Variants in NCOR2 observed in about 807,000 individuals in gnomAD.
NCOR2 encodes the protein CTG repeat protein 26.
Under a neutral mutation model 262.9 loss-of-function variants are expected in NCOR2, and 81 were observed. The observed-to-expected ratio is 0.31, with a 90% CI of 0.26 to 0.37. The LOEUF is 0.37. Ranked by LOEUF, NCOR2 falls within the 10% of genes least tolerant of loss-of-function variation. NCOR2 has a pLI of 1.00. For missense variants in NCOR2, 3,385 were observed against 3,621.4 expected, an observed-to-expected ratio of 0.93 and a Z score of 1.68; for synonymous variants, 1,659 against 1,559.3, an observed-to-expected ratio of 1.06 and a Z score of -1.51.
rs566915799 is a variant in NCOR2 at position 124,543,896 on chromosome 12, C to G, written c.-164-8285G>C. ...CGACAGCCCCTCGGTGCCTGAAGCT[C>G]AGGGTTTCGCTGCCTCCGCACAATG... On this transcript the variant is annotated intron_variant, in intron 1 of 32. Coordinates refer to the NCOR2 transcript ENST00000458234. Among the ~76,000 whole-genome samples the G allele has an allele frequency of 2.0e-5, 3 of 152,352 alleles. No homozygotes were observed. The South Asian group carries it at 6.2e-4, about 32-fold the overall frequency.
rs1038767387 is a variant in NCOR2, at chr12:124,433,161, G to C, written c.883-2374C>G. ...GGCCAGGCTGGTGCTGGGTGGCCCA[G>C]AACCTAACCCCATGCATGCAGGCTG... is the stretch of plus-strand genomic sequence containing the variant. On this transcript the variant is annotated intron_variant, in intron 8 of 46. Transcript: ENST00000405201. 1.1e-4 allele frequency among the ~76,000 whole-genome samples: 17 copies of C among 152,206 alleles called. 1 individual carries two copies. Among genetic ancestry groups the C allele is most frequent in the Non-Finnish European group, 1.0e-4 (7 of 68,042 alleles).
intron 42 of NCOR2, 140 bp downstream of exon 44, chr12:124,332,990 C>A (rs1051377369): frequency 8.4e-7 from 1 of 1,192,574 alleles, no homozygotes. Flanking sequence ...GTTGGTGAAA[C>A]CTGCTTGGCA....
chr12:124,543,614 T>C (rs993692428), intron 1 of NCOR2, among the ~76,000 whole-genome samples: 1 of 152,032 alleles, frequency 6.6e-6, no homozygotes, highest in Non-Finnish European at 1.5e-5. Context: ...CTGCGGGGTG[T>C]GGGGCCGCCA....
At chr12:124,421,997 T>C (rs1399893845) in intron 12 of NCOR2, among the ~76,000 whole-genome samples, 3 of 152,172 alleles carry the variant, frequency 2.0e-5, no homozygotes, top group Non-Finnish European at 4.4e-5. Context: ...AGGCCACACG[T>C]CTGGTTTGGC....
At chr12:124,371,292 C>T (rs1367863771) in intron 20 of NCOR2, among the ~76,000 whole-genome samples, 1 of 151,886 alleles carries the variant, frequency 6.6e-6, no homozygotes, top group African/African-American at 2.4e-5. Flanking sequence ...CACCTCGGGC[C>T]TTCGCACTTG....
chr12:124,444,639 G>A (rs7956060), intron 7 of NCOR2, among the ~76,000 whole-genome samples: 78,292 of 151,830 alleles, frequency 0.52, 21,518 homozygotes, highest in Non-Finnish European at 0.59. Flanking sequence ...ATCTGGAGAG[G>A]GCAGAAGGGG....
At chr12:124,439,352 G>GA (rs2044668600) in intron 7 of NCOR2, among the ~76,000 whole-genome samples, 1 of 93,464 alleles carries the variant, frequency 1.1e-5, no homozygotes, top group Non-Finnish European at 2.5e-5. Context: ...CAGAGAGAGA[G>GA]GGAGACAGAG....
At chr12:124,461,437 C>A (rs546535024) in intron 5 of NCOR2, among the ~76,000 whole-genome samples, 1 of 152,362 alleles carries the variant, frequency 6.6e-6, no homozygotes, top group Admixed American at 6.5e-5. Flanking sequence ...GGCACCCCTG[C>A]AGAGACTCTG....
At chr12:124,330,474 G>C (rs575751887) in intron 44 of NCOR2, among the ~76,000 whole-genome samples, 1 of 152,248 alleles carries the variant, frequency 6.6e-6, no homozygotes, top group East Asian at 1.9e-4. Context: ...ACAAACGCCC[G>C]AGTGAACTCG....
chr12:124,438,301 C>A (rs2044491728), intron 7 of NCOR2, among the ~76,000 whole-genome samples: 1 of 152,200 alleles, frequency 6.6e-6, no homozygotes, highest in Non-Finnish European at 1.5e-5. Flanking sequence ...GCAGCCACAT[C>A]TGCCCACGGA....
At chr12:124,527,216 G>A (rs112653643) in intron 1 of NCOR2, among the ~76,000 whole-genome samples, 5 of 152,220 alleles carry the variant, frequency 3.3e-5, no homozygotes, top group Non-Finnish European at 1.5e-5. Context: ...CCGCACAGAC[G>A]CGGCCACAGC....
intron 9 of NCOR2, among the ~76,000 whole-genome samples, chr12:124,430,141 G>A (rs962637116): frequency 6.6e-6 from 1 of 152,202 alleles, no homozygotes; most frequent in Non-Finnish European, 1.5e-5. Context: ...GAAAGGTGTT[G>A]TTATCATTAC....
At chr12:124,369,757 G>A (rs1050197276) in intron 20 of NCOR2, among the ~76,000 whole-genome samples, 6 of 152,124 alleles carry the variant, frequency 3.9e-5, no homozygotes, top group African/African-American at 7.2e-5. Flanking sequence ...GCACCCGGGG[G>A]CTGTGTGCTG....
At chr12:124,406,599 G>A (rs992078459) in intron 13 of NCOR2, among the ~76,000 whole-genome samples, 20 of 152,208 alleles carry the variant, frequency 1.3e-4, no homozygotes, top group Admixed American at 2.6e-4. Context: ...CCCCGCCCTC[G>A]TGGTGGAGGG....
intron 13 of NCOR2, among the ~76,000 whole-genome samples, chr12:124,417,905 C>G (rs2042995848): frequency 6.6e-6 from 1 of 151,826 alleles, no homozygotes; most frequent in Non-Finnish European, 1.5e-5. Context: ...ATTATAAATA[C>G]AAAAAATTAG....
Position 124,384,548 on chromosome 12 carries a change from C to T in NCOR2, c.2019+1197G>A, listed in dbSNP as rs550185658. On this transcript the variant is annotated intron_variant, in intron 17 of 46. Transcript: ENST00000405201. Reference sequence around the variant, plus strand: ...CCTCGGTCCCGGAGCCACCAGCGGCCGCGCGCACACATGACTCACTAAGAA... The same window carrying T: ...CCTCGGTCCCGGAGCCACCAGCGGCTGCGCGCACACATGACTCACTAAGAA... Among the ~76,000 whole-genome samples the T allele has an allele frequency of 1.4e-4, 21 of 152,262 alleles. No individual in the cohort carries two copies. In the South Asian group the frequency reaches 2.3e-3, roughly 17 times the overall value.
chr12:124,487,807 T>C (rs1176302270), intron 1 of NCOR2, among the ~76,000 whole-genome samples: 1 of 147,404 alleles, frequency 6.8e-6, no homozygotes, highest in Admixed American at 6.9e-5. Flanking sequence ...TAAAACTCAA[T>C]ATCAACAAAT....
chr12:124,499,840 G>C (rs1274280383), upstream of NCOR2, among the ~76,000 whole-genome samples: 4 of 152,174 alleles, frequency 2.6e-5, no homozygotes, highest in Admixed American at 6.5e-5. Context: ...GGGACAGCAA[G>C]AGTGGATCAG....
chr12:124,334,633 G>T lies in NCOR2; in HGVS notation c.6412-16C>A. ...TGATGACCTCCTGCAGGCAAGTGGG[G>T]GGGCCCAGAGTCAGGCAGCACTCTC... On this transcript the variant is annotated splice_polypyrimidine_tract_variant and intron_variant, in intron 40 of 46. Transcript: ENST00000405201. 7.4e-7 allele frequency: 1 copy of T among 1,358,234 alleles called. No homozygotes were observed. 84.1% of individuals were successfully genotyped at this position (1,358,234 alleles called of 1,614,324 possible).
Sources: allele counts gnomAD v4.1 joint callset (sites outside exome capture counted in the v4.1 genomes callset), GRCh38; gene constraint gnomAD v4.1.1; transcripts MANE v1.5; gene names NCBI Gene and HGNC (gene_info 2026-07-23, HGNC 2026-07-21).